The following GALNT13 variants were observed in gnomAD, a reference collection of about 807,000 sequenced individuals.
GALNT13 encodes the protein UDP-GalNAc:polypeptide N-acetylgalactosaminyltransferase 13.
Under a neutral mutation model 64.2 loss-of-function variants are expected in GALNT13, and 28 were observed. That is an observed-to-expected ratio of 0.44 (90% CI 0.32 to 0.60). The LOEUF is 0.60. Among genes scored for constraint, GALNT13 ranks in the 20% least tolerant of loss-of-function variants. The pLI is 0.05. For missense variants in GALNT13, 577 were observed against 669.8 expected (o/e 0.86, Z 1.53); for synonymous variants, 214 against 224.6 (o/e 0.95, Z 0.42).
chr2:153,708,915 A>G, the GALNT13 span, among the ~76,000 whole-genome samples: 1 of 152,058 alleles, frequency 6.6e-6, no homozygotes, highest in South Asian at 2.1e-4. Context: ...TTGGTGTGGG[A>G]AAAACTGGAT....
chr2:153,786,846 C>T, the GALNT13 span, among the ~76,000 whole-genome samples: 1 of 152,302 alleles, frequency 6.6e-6, no homozygotes, highest in East Asian at 1.9e-4. Context: ...TCCACACCTC[C>T]AACAAGTAGC....
At chr2:153,721,888 T>C in the GALNT13 span, among the ~76,000 whole-genome samples, 1 of 148,734 alleles carries the variant, frequency 6.7e-6, no homozygotes, top group Non-Finnish European at 1.5e-5. Context: ...GTCAACATTA[T>C]ACAGATCAAC....
chr2:153,331,628 G>GT, the GALNT13 span, among the ~76,000 whole-genome samples: 142 of 149,898 alleles, frequency 9.5e-4, no homozygotes, highest in African/African-American at 2.0e-3. Flanking sequence ...TCCTTTTCAC[G>GT]TTTTTTTTTG....
chr2:153,294,234 T>G, the GALNT13 span, among the ~76,000 whole-genome samples: 2 of 152,058 alleles, frequency 1.3e-5, no homozygotes, highest in Non-Finnish European at 2.9e-5. Flanking sequence ...GTGGCAAGTG[T>G]GGGGGATGTG....
chr2:153,423,885 T>C, the GALNT13 span, among the ~76,000 whole-genome samples: 2 of 151,596 alleles, frequency 1.3e-5, no homozygotes, highest in Admixed American at 1.3e-4. Context: ...ATTTTATCAT[T>C]TTTATGAAGC....
chr2:154,391,782 C>A (rs1286406368), intron 9 of GALNT13, among the ~76,000 whole-genome samples: 1 of 152,140 alleles, frequency 6.6e-6, no homozygotes, highest in Non-Finnish European at 1.5e-5. Context: ...AAAGATAACT[C>A]ATCATCCAAA....
At chr2:153,404,793 G>T in the GALNT13 span, among the ~76,000 whole-genome samples, 1 of 152,172 alleles carries the variant, frequency 6.6e-6, no homozygotes, top group Non-Finnish European at 1.5e-5. Flanking sequence ...CAGTAAACGA[G>T]ACTGGCTAAA....
intron 8 of GALNT13, among the ~76,000 whole-genome samples, chr2:154,300,096 TC>T (rs1693346499): frequency 1.4e-5 from 1 of 72,750 alleles, no homozygotes; most frequent in East Asian, 3.8e-4. Flanking sequence ...TCTTTCTTTC[TC>T]TCTTTTTTTT....
the GALNT13 span, among the ~76,000 whole-genome samples, chr2:153,238,287 C>G: frequency 6.6e-6 from 1 of 151,714 alleles, no homozygotes; most frequent in African/African-American, 2.4e-5. Flanking sequence ...GGGTGGTTCT[C>G]TTCACTTTTT....
intron 3 of GALNT13, among the ~76,000 whole-genome samples, chr2:153,981,888 AT>A (rs142794825): frequency 3.3e-5 from 5 of 151,668 alleles, no homozygotes; most frequent in African/African-American, 9.7e-5. Flanking sequence ...CTTGCTAGTT[AT>A]TTTTTTCTCC....
chr2:153,787,253 C>A, the GALNT13 span, among the ~76,000 whole-genome samples: 1 of 152,120 alleles, frequency 6.6e-6, no homozygotes, highest in Admixed American at 6.5e-5. Flanking sequence ...AGGGGAGCCA[C>A]ACAACTGAGC....
At chr2:154,137,302 AACACACAC>A (rs112665813) in intron 3 of GALNT13, among the ~76,000 whole-genome samples, 1 of 148,886 alleles carries the variant, frequency 6.7e-6, no homozygotes, top group Admixed American at 6.7e-5. Flanking sequence ...ACACAGGCAA[AACACACAC>A]ACACACACAC....
chr2:153,496,886 C>G, the GALNT13 span, among the ~76,000 whole-genome samples: 5 of 149,990 alleles, frequency 3.3e-5, no homozygotes, highest in African/African-American at 1.2e-4. Context: ...CCCAGCTACT[C>G]GGGAGGTTGA....
chr2:153,730,667 C>G, the GALNT13 span, among the ~76,000 whole-genome samples: 1 of 151,700 alleles, frequency 6.6e-6, no homozygotes, highest in Non-Finnish European at 1.5e-5. Flanking sequence ...GAACTGCTAT[C>G]CAGAATCTAC....
intron 12 of GALNT13, among the ~76,000 whole-genome samples, chr2:154,440,090 T>C (rs1371516056): frequency 3.3e-5 from 5 of 152,184 alleles, no homozygotes; most frequent in Admixed American, 2.6e-4. Flanking sequence ...TGTACAGATA[T>C]AGTAGAAATC....
chr2:153,974,797 A>G (rs1056643724), intron 3 of GALNT13, among the ~76,000 whole-genome samples: 1 of 151,962 alleles, frequency 6.6e-6, no homozygotes, highest in African/African-American at 2.4e-5. Context: ...CAAGCTTCCT[A>G]TTATTTGTTC....
chr2:153,962,584 A>G (rs1255068897), intron 3 of GALNT13, among the ~76,000 whole-genome samples: 1 of 152,252 alleles, frequency 6.6e-6, no homozygotes, highest in Non-Finnish European at 1.5e-5. Context: ...ATTGTAGAAC[A>G]GAACTCATGG....
chr2:153,759,115 A>G, the GALNT13 span, among the ~76,000 whole-genome samples: 1 of 152,174 alleles, frequency 6.6e-6, no homozygotes, highest in South Asian at 2.1e-4. Context: ...TTGTTAGTGC[A>G]TAGAAACACT....
chr2:153,352,990 T>C, the GALNT13 span, among the ~76,000 whole-genome samples: 8 of 152,114 alleles, frequency 5.3e-5, no homozygotes, highest in African/African-American at 1.9e-4. Context: ...ATCCACAAAA[T>C]AACTTGCTGG....
Sources: gnomAD v4.1 joint callset for allele counts (sites outside exome capture counted in the v4.1 genomes callset) on GRCh38, gnomAD v4.1.1 for gene constraint, MANE v1.5 for transcripts, NCBI Gene and HGNC (gene_info 2026-07-23, HGNC 2026-07-21) for gene names.